DSCAM: variants seen among roughly 807,000 people sequenced by gnomAD.
The protein encoded by DSCAM is cell adhesion molecule DSCAM.
DSCAM carries 47 observed loss-of-function variants against 217.7 expected under a neutral mutation model. The observed-to-expected ratio is 0.22, with a 90% confidence interval of 0.17 to 0.28. The LOEUF (loss-of-function observed/expected upper bound fraction) is 0.28. DSCAM is among the 10% of genes least tolerant of loss of function. The pLI is 1.00. For synonymous variants in DSCAM, 1,056 were observed against 1,015.3 expected, an observed-to-expected ratio of 1.04 and a Z score of -0.76; for missense variants, 2,080 against 2,618.3, an observed-to-expected ratio of 0.79 and a Z score of 4.49.
intron 2 of DSCAM, among the ~76,000 whole-genome samples, chr21:40,704,699 G>A (rs2090694015): frequency 6.6e-6 from 1 of 152,148 alleles, no homozygotes; most frequent in Admixed American, 6.5e-5. Context: ...CTGGACAAGA[G>A]AGGGAGATGT....
At chr21:40,281,739 C>G (rs906014489) in intron 10 of DSCAM, among the ~76,000 whole-genome samples, 19 of 151,814 alleles carry the variant, frequency 1.3e-4, no homozygotes, top group African/African-American at 4.6e-4. Flanking sequence ...TTGTTTGTTT[C>G]TGTTTATAGA....
intron 3 of DSCAM, among the ~76,000 whole-genome samples, chr21:40,634,275 C>G (rs966572138): frequency 1.3e-5 from 2 of 152,160 alleles, no homozygotes; most frequent in Non-Finnish European, 2.9e-5. Flanking sequence ...TTTTGTTCCT[C>G]TTGTTCTGTC....
intron 1 of DSCAM, among the ~76,000 whole-genome samples, chr21:40,781,275 C>T (rs886202664): frequency 1.3e-5 from 2 of 152,192 alleles, no homozygotes; most frequent in Non-Finnish European, 2.9e-5. Flanking sequence ...CCACCTTGGC[C>T]TCCCCAAGTG....
intron 8 of DSCAM, among the ~76,000 whole-genome samples, chr21:40,314,423 G>A (rs1447043213): frequency 6.6e-6 from 1 of 152,160 alleles, no homozygotes; most frequent in East Asian, 1.9e-4. Context: ...CTGATCTGAT[G>A]CTAAGAGATA....
chr21:40,243,781 A>T (rs951074872), intron 11 of DSCAM, among the ~76,000 whole-genome samples: 1 of 152,182 alleles, frequency 6.6e-6, no homozygotes. Flanking sequence ...TAATGCAAAG[A>T]AAGAGGAATG....
chr21:40,494,499 C>G (rs1184635225), intron 3 of DSCAM, among the ~76,000 whole-genome samples: 1 of 151,778 alleles, frequency 6.6e-6, no homozygotes, highest in Non-Finnish European at 1.5e-5. Flanking sequence ...ATCAATGGGT[C>G]AAAGAAGAAA....
At chr21:40,218,586 A>G (rs367917473) in intron 11 of DSCAM, among the ~76,000 whole-genome samples, 1 of 151,680 alleles carries the variant, frequency 6.6e-6, no homozygotes, top group Non-Finnish European at 1.5e-5. Context: ...TTTTGGCAGT[A>G]CCATTTTAAT....
chr21:40,273,964 G>A (rs2073654244), intron 11 of DSCAM, among the ~76,000 whole-genome samples: 1 of 152,154 alleles, frequency 6.6e-6, no homozygotes, highest in African/African-American at 2.4e-5. Flanking sequence ...TATGGACTTT[G>A]AAGGGACACA....
Position 40,093,359 on chromosome 21 carries a change from A to G in DSCAM, c.3850+362T>C, listed in dbSNP as rs555977190. Among the ~76,000 whole-genome samples the G allele has an allele frequency of 5.3e-5, 8 of 152,368 alleles. No individual in the cohort carries two copies. In the East Asian group the frequency reaches 5.8e-4, roughly 11 times the overall value. On this transcript the variant is annotated intron_variant, in intron 21 of 32. Coordinates refer to ENST00000400454, the MANE Select transcript of DSCAM (RefSeq NM_001389.5). ...GCTTGCAAATTCCATAGACTATAAA[A>G]TAGACATTTCTCATTAAGAAGTGTG...
chr21:40,068,993 G>A (rs1359851237), intron 27 of DSCAM, among the ~76,000 whole-genome samples: 2 of 151,950 alleles, frequency 1.3e-5, no homozygotes, highest in Non-Finnish European at 2.9e-5. Flanking sequence ...GCTGAGGCAG[G>A]AGAGTCGCTT....
At chr21:40,811,195 C>T (rs750500379) in intron 1 of DSCAM, among the ~76,000 whole-genome samples, 2 of 152,184 alleles carry the variant, frequency 1.3e-5, no homozygotes, top group Non-Finnish European at 2.9e-5. Flanking sequence ...TTTCATGCTA[C>T]AGCGTGCAGA....
chr21:40,812,759 T>C (rs551456769), intron 1 of DSCAM, among the ~76,000 whole-genome samples: 1 of 152,328 alleles, frequency 6.6e-6, no homozygotes, highest in East Asian at 1.9e-4. Flanking sequence ...GAGGAGAGCC[T>C]TGGTTTGAAC....
At chr21:40,497,644 A>G (rs1460736752) in intron 3 of DSCAM, among the ~76,000 whole-genome samples, 1 of 152,248 alleles carries the variant, frequency 6.6e-6, no homozygotes, top group Admixed American at 6.5e-5. Flanking sequence ...AAATAAGTAT[A>G]TTCAGTAATG....
At chr21:40,274,945 G>C (rs1487830948) in intron 11 of DSCAM, among the ~76,000 whole-genome samples, 1 of 152,044 alleles carries the variant, frequency 6.6e-6, no homozygotes, top group Non-Finnish European at 1.5e-5. Context: ...ACCCCTGAAT[G>C]CCACTTTTAA....
chr21:40,456,878 C>T (rs1402498629), intron 3 of DSCAM, among the ~76,000 whole-genome samples: 3 of 151,990 alleles, frequency 2.0e-5, no homozygotes, highest in Non-Finnish European at 4.4e-5. Context: ...ATCACAAAAC[C>T]ATAGCAAAGT....
rs187960739 is a variant in DSCAM, at chr21:40,815,883, T to A, written c.43+30736A>T. On this transcript the variant is annotated intron_variant, in intron 1 of 32. Transcript: ENST00000400454. ...CTACAGTGAGACTGAGATGTGATGATGAAAGATCCTACACAGTGCCTGGCA... is the reference window on the plus strand; with the variant it reads ...CTACAGTGAGACTGAGATGTGATGAAGAAAGATCCTACACAGTGCCTGGCA... Among the ~76,000 whole-genome samples, 88 of 152,304 alleles carry A rather than the reference T, an allele frequency of 5.8e-4. 1 individual carries two copies. The East Asian group carries it at 0.012, about 20-fold the overall frequency.
At chr21:40,603,407 A>C (rs1157207647) in intron 3 of DSCAM, among the ~76,000 whole-genome samples, 1 of 152,182 alleles carries the variant, frequency 6.6e-6, no homozygotes, top group Non-Finnish European at 1.5e-5. Context: ...GGCTCTGTTA[A>C]CTACTGACAG....
At chr21:40,681,816 A>T (rs2090403977) in intron 3 of DSCAM, among the ~76,000 whole-genome samples, 1 of 152,156 alleles carries the variant, frequency 6.6e-6, no homozygotes, top group African/African-American at 2.4e-5. Flanking sequence ...CACAGGGCAA[A>T]AGTCACATGT....
chr21:40,339,012 G>C (rs184995541), intron 7 of DSCAM, 107 bp downstream of exon 7: 10 of 1,385,532 alleles, frequency 7.2e-6, no homozygotes, highest in East Asian at 2.4e-5. Context: ...GGAAGCAACA[G>C]TTAATCCGCT....
Sources: allele counts gnomAD v4.1 joint callset (sites outside exome capture counted in the v4.1 genomes callset), GRCh38; gene constraint gnomAD v4.1.1; transcripts MANE v1.5; gene names NCBI Gene and HGNC (gene_info 2026-07-23, HGNC 2026-07-21).